ACSM2B: variants seen among roughly 807,000 people sequenced by gnomAD.
The protein encoded by ACSM2B is acyl-CoA synthetase medium chain family member 2B.
In ACSM2B, 58 loss-of-function variants were observed where a neutral mutation model predicts 78.6. The ratio of observed to expected loss-of-function variants is 0.74; its 90% CI spans 0.60 to 0.92. The LOEUF (loss-of-function observed/expected upper bound fraction) is 0.92, where lower values mean the gene tolerates loss of function less well. ACSM2B is among the 40% of genes least tolerant of loss of function. ACSM2B has a pLI of 0.00. For missense variants in ACSM2B, 688 were observed against 711.2 expected, an observed-to-expected ratio of 0.97 and a Z score of 0.37; for synonymous variants, 257 against 256.8, an observed-to-expected ratio of 1.00 and a Z score of -0.01.
chr16:20,552,044 T>G, intron 6 of ACSM2B, 100 bp downstream of exon 6: 1 of 1,519,638 alleles, frequency 6.6e-7, no homozygotes, highest in Non-Finnish European at 8.8e-7. Flanking sequence ...TGGCAGAGGT[T>G]TAGCAAAAAT....
chr16:20,551,322 C>T (rs542342309), intron 6 of ACSM2B, among the ~76,000 whole-genome samples: 1 of 152,162 alleles, frequency 6.6e-6, no homozygotes, highest in Admixed American at 6.5e-5. Context: ...TATATTAAAG[C>T]TCTAACCCTC....
chr16:20,555,398 G>A lies in ACSM2B; in HGVS notation c.467C>T (p.Ala156Val). Residue 156 changes from alanine (A) to valine (V), a missense_variant, in exon 4 of 14, where the codon GCT (alanine) becomes GTT (valine). Transcript: ENST00000329697. ...LYRLQMSKAK[A>V]IVAGDEVIQE... Reference sequence around the variant, plus strand: ...GATGACTTCATCCCCAGCAACAATAGCCTTGGCCTTAGACATCTGCAACCT... The same window carrying A: ...GATGACTTCATCCCCAGCAACAATAACCTTGGCCTTAGACATCTGCAACCT... The A allele has an allele frequency of 1.2e-6, 2 of 1,613,888 alleles. No individual in the cohort carries two copies. The highest frequency in any genetic ancestry group is 1.7e-6 in the Non-Finnish European group (2 of 1,179,842).
chr16:20,565,191 C>T (rs765900767), intron 1 of ACSM2B, among the ~76,000 whole-genome samples: 7 of 152,144 alleles, frequency 4.6e-5, no homozygotes, highest in East Asian at 1.9e-4. Flanking sequence ...ACTCCCTTTC[C>T]GTTCTAGGAT....
chr16:20,561,728 C>T (rs1391825790), intron 2 of ACSM2B, among the ~76,000 whole-genome samples: 9 of 151,172 alleles, frequency 6.0e-5, no homozygotes, highest in South Asian at 2.1e-4. Flanking sequence ...TTTTTTATTA[C>T]TATACTTTAA....
chr16:20,549,180 A>G (rs1227517748), intron 6 of ACSM2B, among the ~76,000 whole-genome samples: 7 of 152,182 alleles, frequency 4.6e-5, no homozygotes, highest in Admixed American at 2.0e-4. Flanking sequence ...TATTCCTGTC[A>G]TATAACACCA....
rs2015331847 is a variant in ACSM2B, at chr16:20,552,177, GA to G, written c.860del (p.Leu287ProfsTer11). ...WTLGACTFVH[L>X]LPKFDPLVIL... ...TAACCAGTGGGTCAAACTTTGGCAA[GA>G]GATGAACAAATGTGCATGCTCCTAA... On this transcript the variant is annotated frameshift_variant, in exon 6 of 14. Coordinates refer to ENST00000329697, the MANE Select transcript of ACSM2B (RefSeq NM_001105069.2). LOFTEE classifies it high-confidence loss of function. 1 of 1,613,498 alleles carries G rather than the reference GA, an allele frequency of 6.2e-7. No homozygotes were observed. Among genetic ancestry groups the G allele is most frequent in the Admixed American group, 1.7e-5 (1 of 59,944 alleles).
intron 13 of ACSM2B, among the ~76,000 whole-genome samples, chr16:20,538,889 C>G (rs2014914690): frequency 6.6e-6 from 1 of 152,096 alleles, no homozygotes; most frequent in Non-Finnish European, 1.5e-5. Context: ...GTGGTGGACT[C>G]TGATATGCAG....
intron 12 of ACSM2B, chr16:20,541,358 A>G (rs2014983054): frequency 6.6e-6 from 1 of 152,296 alleles, no homozygotes; most frequent in Non-Finnish European, 1.5e-5. Flanking sequence ...ACACTGATCC[A>G]CACATCCCAC....
intron 2 of ACSM2B, among the ~76,000 whole-genome samples, chr16:20,561,151 A>G (rs2015642886): frequency 6.6e-6 from 1 of 152,144 alleles, no homozygotes; most frequent in Non-Finnish European, 1.5e-5. Context: ...AACCTTGAAG[A>G]CATGCTAAGT....
intron 2 of ACSM2B, among the ~76,000 whole-genome samples, chr16:20,563,399 T>C (rs1006419818): frequency 6.6e-6 from 1 of 152,208 alleles, no homozygotes; most frequent in Non-Finnish European, 1.5e-5. Context: ...TTTGCTGTTA[T>C]ATGAGTTGAA....
At chr16:20,543,432 C>A (rs901189301) in intron 10 of ACSM2B, among the ~76,000 whole-genome samples, 170 bp from the exon 11 acceptor site, 1 of 152,238 alleles carries the variant, frequency 6.6e-6, no homozygotes, top group Non-Finnish European at 1.5e-5. Flanking sequence ...ACAGGCAGAA[C>A]TGGATTTTTC....
intron 13 of ACSM2B, among the ~76,000 whole-genome samples, chr16:20,538,085 A>G (rs1360119370): frequency 2.6e-5 from 4 of 152,200 alleles, no homozygotes; most frequent in Admixed American, 6.5e-5. Context: ...GATGTGGCTC[A>G]GTTGCCATGG....
At chr16:20,554,206 G>A (rs755677974) in intron 4 of ACSM2B, 1 of 550,958 alleles carries the variant, frequency 1.8e-6, no homozygotes, top group South Asian at 1.7e-5. Flanking sequence ...AAGTCTTATA[G>A]AGTTATTGAG....
intron 13 of ACSM2B, among the ~76,000 whole-genome samples, chr16:20,540,373 G>T (rs1214285910): frequency 6.6e-6 from 1 of 151,960 alleles, no homozygotes; most frequent in African/African-American, 2.4e-5. Flanking sequence ...CTCCTGAGTA[G>T]CTGGGATTAC....
At chr16:20,569,483 T>C (rs1167151562) in intron 1 of ACSM2B, among the ~76,000 whole-genome samples, 1 of 152,070 alleles carries the variant, frequency 6.6e-6, no homozygotes, top group Admixed American at 6.6e-5. Context: ...GGCCTTATAG[T>C]ACATTTTGAA....
At chr16:20,537,430 G>A (rs1364069593) in intron 13 of ACSM2B, 68 bp from the exon 14 acceptor site, 1 of 1,559,514 alleles carries the variant, frequency 6.4e-7, no homozygotes, top group Non-Finnish European at 8.8e-7. Flanking sequence ...TTTCAGAACT[G>A]CTGTAGGGTG....
chr16:20,545,061 T>C (rs1247932018), intron 10 of ACSM2B, 96 bp downstream of exon 10: 4 of 1,439,398 alleles, frequency 2.8e-6, no homozygotes, highest in Non-Finnish European at 3.7e-6. Context: ...CCATATCTAA[T>C]GCCTCTTGGA....
At chr16:20,538,229 A>C (rs2014896422) in intron 13 of ACSM2B, among the ~76,000 whole-genome samples, 1 of 152,218 alleles carries the variant, frequency 6.6e-6, no homozygotes, top group African/African-American at 2.4e-5. Context: ...CTATAAGTCA[A>C]GACTGACTTT....
At chr16:20,564,961 A>C (rs1446932812) in intron 1 of ACSM2B, 108 bp from the exon 2 acceptor site, 3 of 1,455,798 alleles carry the variant, frequency 2.1e-6, no homozygotes, top group Non-Finnish European at 2.7e-6. Context: ...TCTTCCCAGG[A>C]ATTAATTTGC....
Sources: gnomAD v4.1 joint callset for allele counts (sites outside exome capture counted in the v4.1 genomes callset) on GRCh38, gnomAD v4.1.1 for gene constraint, MANE v1.5 for transcripts, NCBI Gene and HGNC (gene_info 2026-07-23, HGNC 2026-07-21) for gene names.